AXIN1: variants seen among roughly 807,000 people sequenced by gnomAD.
AXIN1 encodes axin 1.
In AXIN1, 30 loss-of-function variants were observed where a neutral mutation model predicts 76.4. The ratio of observed to expected loss-of-function variants is 0.39; its 90% CI spans 0.29 to 0.53. The LOEUF is 0.53. AXIN1 is among the 20% of genes least tolerant of loss of function. The probability of loss-of-function intolerance (pLI) is 0.66; values close to 1 mark genes in which losing one functional copy is unlikely to be tolerated. For synonymous variants in AXIN1, 545 were observed against 501.4 expected, an observed-to-expected ratio of 1.09 and a Z score of -1.16; for missense variants, 1,140 against 1,198.8, an observed-to-expected ratio of 0.95 and a Z score of 0.72.
intron 2 of AXIN1, among the ~76,000 whole-genome samples, chr16:329,789 A>ATTT (rs773869039): frequency 5.4e-4 from 71 of 131,226 alleles, no homozygotes; most frequent in Admixed American, 7.7e-4. Context: ...TTGCCCGGCT[A>ATTT]TTTTTTTTTT....
intron 2 of AXIN1, among the ~76,000 whole-genome samples, chr16:336,289 G>T (rs1346431860): frequency 6.6e-6 from 1 of 152,178 alleles, no homozygotes; most frequent in East Asian, 1.9e-4. Context: ...CCATGCCCTG[G>T]TGCATGAACA....
chr16:289,605 G>C lies in AXIN1; in HGVS notation c.2297C>G (p.Thr766Arg), dbSNP rs1445096626. The C allele has an allele frequency of 6.2e-7, 1 of 1,612,708 alleles. No homozygotes were observed. The highest frequency in any genetic ancestry group is 8.5e-7 in the Non-Finnish European group (1 of 1,179,896). Residue 766 changes from threonine (T) to arginine (R), a missense_variant and splice_region_variant, in exon 10 of 11, where the codon ACA (threonine) becomes AGA (arginine). Thr to Arg is a moderately conservative substitution (Grantham distance 71, BLOSUM62 -1). Around this residue, in one of 3 missense-constraint regions of AXIN1, gnomAD observed 429 missense variants for 405.8 expected, o/e 1.06. Transcript: ENST00000262320. ...VSDMELSETE[T>R]RSQRKVGGGS... Reference sequence around the variant, plus strand: ...GCCGCCCACCTTCCTCTGCGATCTTGTCCTGGGGAAAGAGATGCAGCGGTG... The same window carrying C: ...GCCGCCCACCTTCCTCTGCGATCTTCTCCTGGGGAAAGAGATGCAGCGGTG...
chr16:332,306 G>T lies in AXIN1; in HGVS notation c.878+13842C>A, dbSNP rs755933945. 3.9e-4 allele frequency among the ~76,000 whole-genome samples: 59 copies of T among 151,516 alleles called. 1 individual carries two copies. Among genetic ancestry groups the T allele is most frequent in the Non-Finnish European group, 5.2e-4 (35 of 67,882 alleles). On this transcript the variant is annotated intron_variant, in intron 2 of 10. Coordinates refer to ENST00000262320, the MANE Select transcript of AXIN1 (RefSeq NM_003502.4). Reference sequence around the variant, plus strand: ...TAAAACCTGCAGCCAGGCTGGGCGCGGTGGCTCACGCCTGTAATCCCAGCA... The same window carrying T: ...TAAAACCTGCAGCCAGGCTGGGCGCTGTGGCTCACGCCTGTAATCCCAGCA...
At chr16:288,523 AG>A (rs1045730356) in intron 10 of AXIN1, among the ~76,000 whole-genome samples, 2 of 152,200 alleles carry the variant, frequency 1.3e-5, no homozygotes, top group Admixed American at 6.5e-5. Flanking sequence ...CAGGAGTTGC[AG>A]GGGGGAAGTG....
chr16:327,412 G>A (rs528857049), intron 2 of AXIN1, among the ~76,000 whole-genome samples: 55 of 152,346 alleles, frequency 3.6e-4, no homozygotes, highest in South Asian at 1.2e-3. Flanking sequence ...AGGAGCTTCC[G>A]GCTCAGCCCT....
chr16:324,427 A>T (rs112059012), intron 2 of AXIN1, among the ~76,000 whole-genome samples: 6 of 152,190 alleles, frequency 3.9e-5, no homozygotes, highest in African/African-American at 1.2e-4. Context: ...CAGGCCTCAC[A>T]GGCCCGCGGT....
At chr16:329,375 G>A (rs1486340880) in intron 2 of AXIN1, among the ~76,000 whole-genome samples, 2 of 151,420 alleles carry the variant, frequency 1.3e-5, no homozygotes, top group African/African-American at 4.9e-5. Flanking sequence ...GAAAAATCTA[G>A]AGCGATCTAG....
chr16:302,763 G>A (rs971479669), intron 5 of AXIN1, among the ~76,000 whole-genome samples: 2 of 152,222 alleles, frequency 1.3e-5, no homozygotes, highest in Non-Finnish European at 2.9e-5. Flanking sequence ...ACGCTCAGAA[G>A]TGTATACATT....
intron 10 of AXIN1, 131 bp from the exon 11 acceptor site, chr16:288,379 A>C: frequency 7.4e-7 from 1 of 1,356,820 alleles, no homozygotes. Flanking sequence ...CCCCCACTGC[A>C]TGTGCGCCCC....
intron 9 of AXIN1, 55 bp from the exon 10 acceptor site, chr16:289,662 T>A (rs2141469678): frequency 1.9e-6 from 3 of 1,602,894 alleles, no homozygotes; most frequent in Non-Finnish European, 1.7e-6. Context: ...TCCCACAGGG[T>A]CCCTCCTGCT....
chr16:342,836 G>A (rs567836916), intron 2 of AXIN1, among the ~76,000 whole-genome samples: 2 of 152,364 alleles, frequency 1.3e-5, no homozygotes, highest in African/African-American at 4.8e-5. Flanking sequence ...ATGGCACAAA[G>A]CAAAGGTGCC....
intron 8 of AXIN1, 56 bp from the exon 9 acceptor site, chr16:291,353 G>C: frequency 1.4e-6 from 2 of 1,450,114 alleles, no homozygotes; most frequent in Non-Finnish European, 1.9e-6. Flanking sequence ...GCCCTGGGGA[G>C]GGAGCCTCGA....
intron 2 of AXIN1, among the ~76,000 whole-genome samples, chr16:327,158 C>T (rs895788902): frequency 2.0e-5 from 3 of 151,630 alleles, no homozygotes; most frequent in African/African-American, 7.3e-5. Flanking sequence ...AAAAAGATTG[C>T]CAGCACCCCC....
intron 2 of AXIN1, among the ~76,000 whole-genome samples, chr16:342,335 T>A (rs763010509): frequency 4.0e-5 from 6 of 151,610 alleles, no homozygotes; most frequent in Non-Finnish European, 5.9e-5. Context: ...ACGGCAAGGG[T>A]CCGCGGCTTC....
chr16:332,433 T>C (rs987928355), intron 2 of AXIN1, among the ~76,000 whole-genome samples: 5 of 151,694 alleles, frequency 3.3e-5, no homozygotes, highest in South Asian at 2.1e-4. Context: ...AAAAATTAGC[T>C]GGGCGTGGTG....
At chr16:323,905 T>C (rs2053520768) in intron 2 of AXIN1, among the ~76,000 whole-genome samples, 1 of 151,994 alleles carries the variant, frequency 6.6e-6, no homozygotes, top group Non-Finnish European at 1.5e-5. Context: ...AGGGAAAAGG[T>C]GTCAACTGCG....
intron 7 of AXIN1, among the ~76,000 whole-genome samples, chr16:296,192 T>A (rs1231138877): frequency 6.6e-6 from 1 of 152,190 alleles, no homozygotes; most frequent in Non-Finnish European, 1.5e-5. Context: ...TCAGCACCGA[T>A]GGGGACCCCA....
At chr16:320,743 A>ATATATATATTTTTTT (rs397722732) in intron 2 of AXIN1, among the ~76,000 whole-genome samples, 3 of 107,664 alleles carry the variant, frequency 2.8e-5, no homozygotes, top group African/African-American at 1.4e-4. Context: ...ATATATATAT[A>ATATATATATTTTTTT]TTTTTTTTTT....
rs370661416 is a variant in AXIN1 at position 288,190 on chromosome 16, G to A, written c.2521C>T (p.Arg841Ter). 3.1e-6 allele frequency: 5 copies of A among 1,613,568 alleles called. No individual in the cohort carries two copies. The highest frequency in any genetic ancestry group is 1.3e-5 in the African/African-American group (1 of 74,930). ...ACGGGCAGGACGGCCTCGTCCTCTC[G>A]AACCTCCTCAAACACCACCCCACAG... is the stretch of plus-strand genomic sequence containing the variant. ...FDCGVVFEEV[R>*]EDEAVLPVFE... Residue 841 changes from arginine to a stop codon, truncating the protein, a stop_gained, in exon 11 of 11, where the codon CGA becomes TGA. Coordinates refer to ENST00000262320, the MANE Select transcript of AXIN1 (RefSeq NM_003502.4). LOFTEE classifies it high-confidence loss of function.
Sources: gnomAD v4.1 joint callset for allele counts (sites outside exome capture counted in the v4.1 genomes callset) on GRCh38, gnomAD v4.1.1 for gene constraint, gnomAD v4.1.1 regional missense constraint, MANE v1.5 for transcripts, NCBI Gene and HGNC (gene_info 2026-07-23, HGNC 2026-07-21) for gene names.